Variants in FHIT observed in about 807,000 individuals in gnomAD.
FHIT encodes bis(5'-adenosyl)-triphosphatase.
A neutral mutation model predicts 17.9 loss-of-function variants in FHIT; 19 were observed. The ratio of observed to expected loss-of-function variants is 1.06; its 90% confidence interval spans 0.74 to 1.56. The LOEUF (loss-of-function observed/expected upper bound fraction) is 1.56, where lower values mean the gene tolerates loss of function less well. Ranked by LOEUF, FHIT falls within the 40% of genes most tolerant of loss-of-function variation. The probability of loss-of-function intolerance (pLI) is 0.00; values close to 1 mark genes in which losing one functional copy is unlikely to be tolerated. For missense variants in FHIT, 248 were observed against 189.2 expected (o/e 1.31, Z -1.82); for synonymous variants, 81 against 69.7 (o/e 1.16, Z -0.81).
intron 2 of FHIT, among the ~76,000 whole-genome samples, chr3:61,104,681 C>T (rs1297779859): frequency 6.6e-6 from 1 of 152,160 alleles, no homozygotes; most frequent in African/African-American, 2.4e-5. Flanking sequence ...TGGTTCCATT[C>T]TCCCCATCTC....
chr3:60,659,993 A>C (rs950658249), intron 4 of FHIT, among the ~76,000 whole-genome samples: 9 of 152,144 alleles, frequency 5.9e-5, no homozygotes, highest in African/African-American at 9.7e-5. Flanking sequence ...TGAGATGTAA[A>C]GTTAAGTCCT....
At chr3:60,324,366 T>C (rs927616689) in intron 5 of FHIT, among the ~76,000 whole-genome samples, 4 of 151,296 alleles carry the variant, frequency 2.6e-5, no homozygotes, top group South Asian at 4.2e-4. Context: ...TGGTGAATCA[T>C]GAGGTCAGGA....
At chr3:60,186,230 G>A (rs772314874) in intron 5 of FHIT, among the ~76,000 whole-genome samples, 4 of 151,920 alleles carry the variant, frequency 2.6e-5, no homozygotes, top group African/African-American at 4.8e-5. Context: ...CAAGATCCCA[G>A]ATTTTTTTCT....
At position 60,701,273 on chromosome 3, in the gene FHIT, G is replaced by A. The variant is rs139332494; in HGVS notation, c.-18+120646C>T. ...AAAGTAGCTGGGACTACAGGCATGTGCCACTGTAATTGCCCAGTGGGTTCT... is the reference window on the plus strand; with the variant it reads ...AAAGTAGCTGGGACTACAGGCATGTACCACTGTAATTGCCCAGTGGGTTCT... On this transcript the variant is annotated intron_variant, in intron 4 of 9. Coordinates refer to ENST00000492590, the MANE Select transcript of FHIT (RefSeq NM_002012.4). Among the ~76,000 whole-genome samples the A allele has an allele frequency of 4.2e-4, 64 of 152,090 alleles. 1 individual carries two copies. The highest frequency in any genetic ancestry group is 1.5e-3 in the African/African-American group (62 of 41,506).
rs145544602 is a variant in FHIT at position 61,143,483 on chromosome 3, C to T, written c.-164+57134G>A. On this transcript the variant is annotated intron_variant, in intron 2 of 9. Transcript: ENST00000492590. ...TTGGCATTTCTAAACAGTTATGGTG[C>T]TGCAGAGGAAAGCTTTTGACCAGCC... Among the ~76,000 whole-genome samples, 74 of 152,276 alleles carry T rather than the reference C, an allele frequency of 4.9e-4. No individual in the cohort carries two copies. The East Asian group carries it at 0.012, about 25-fold the overall frequency.
chr3:61,110,989 C>G lies in FHIT; in HGVS notation c.-163-68890G>C, dbSNP rs549121260. On this transcript the variant is annotated intron_variant, in intron 2 of 9. Transcript: ENST00000492590. ...TTTTTCAGTCTGAAACTCTCCAGCG[C>G]CCCTTAACTATGGCCCCCGAAACAA... Among the ~76,000 whole-genome samples the G allele has an allele frequency of 1.1e-3, 168 of 152,292 alleles. 2 individuals carry two copies. In the South Asian group the frequency reaches 0.034, roughly 31 times the overall value.
intron 7 of FHIT, among the ~76,000 whole-genome samples, chr3:60,007,452 G>C (rs1699969177): frequency 6.6e-6 from 1 of 152,116 alleles, no homozygotes. Context: ...AGAAACTTAT[G>C]AGATTCGTTC....
intron 4 of FHIT, among the ~76,000 whole-genome samples, chr3:60,819,337 G>A (rs1351105388): frequency 6.6e-6 from 1 of 152,110 alleles, no homozygotes; most frequent in African/African-American, 2.4e-5. Context: ...AAAGTTAAAT[G>A]ATAGAATGAT....
At chr3:60,124,027 GAGA>G (rs1705412469) in intron 5 of FHIT, among the ~76,000 whole-genome samples, 1 of 101,432 alleles carries the variant, frequency 9.9e-6, no homozygotes, top group Admixed American at 1.0e-4. Flanking sequence ...GAGAGAGAGA[GAGA>G]GAGAGAGAGA....
intron 5 of FHIT, among the ~76,000 whole-genome samples, chr3:60,414,412 C>G (rs1409110951): frequency 6.6e-6 from 1 of 152,150 alleles, no homozygotes; most frequent in African/African-American, 2.4e-5. Context: ...GATACCCTGA[C>G]ACATGCTCAG....
chr3:59,796,281 G>A (rs1349042082), intron 8 of FHIT, among the ~76,000 whole-genome samples: 1 of 152,048 alleles, frequency 6.6e-6, no homozygotes, highest in Non-Finnish European at 1.5e-5. Context: ...CTGGCTCTGG[G>A]CCACCCAGAC....
At position 60,789,156 on chromosome 3, in the gene FHIT, GTATATATA is replaced by G. The variant is rs782494801; in HGVS notation, c.-18+32755_-18+32762del. ...TATAGAGAGAGATGTGTGTGTGTGT[GTATATATA>G]TATATATATATAGAGAGAGAGAGAG... On this transcript the variant is annotated intron_variant, in intron 4 of 9. Coordinates refer to ENST00000492590, the MANE Select transcript of FHIT (RefSeq NM_002012.4). Among the ~76,000 whole-genome samples the G allele has an allele frequency of 3.4e-3, 449 of 131,142 alleles. 2 individuals carry two copies. The highest frequency in any genetic ancestry group is 5.9e-3 in the Admixed American group (71 of 12,084). The allele number at this position is 131,142 out of a possible 152,430, so 86.0% of individuals were successfully genotyped here.
At chr3:59,832,400 A>G (rs1355163886) in intron 8 of FHIT, among the ~76,000 whole-genome samples, 1 of 152,140 alleles carries the variant, frequency 6.6e-6, no homozygotes, top group African/African-American at 2.4e-5. Flanking sequence ...CTCTAAGAAA[A>G]GGATAATACA....
intron 4 of FHIT, among the ~76,000 whole-genome samples, chr3:60,710,052 C>T (rs1305112939): frequency 2.7e-5 from 4 of 148,918 alleles, no homozygotes; most frequent in Non-Finnish European, 5.9e-5. Context: ...CTGCATACTT[C>T]CCATTTCAGC....
chr3:61,060,687 C>G (rs1037941009), intron 2 of FHIT, among the ~76,000 whole-genome samples: 1 of 152,234 alleles, frequency 6.6e-6, no homozygotes, highest in Non-Finnish European at 1.5e-5. Context: ...ACTTTGGCTT[C>G]TTGCTTGATG....
chr3:60,648,158 A>G (rs537542346), intron 4 of FHIT, among the ~76,000 whole-genome samples: 1 of 152,188 alleles, frequency 6.6e-6, no homozygotes, highest in African/African-American at 2.4e-5. Flanking sequence ...GGGAACCACA[A>G]CAGGTTGACG....
intron 2 of FHIT, among the ~76,000 whole-genome samples, chr3:61,185,555 C>A (rs2038481732): frequency 6.6e-6 from 1 of 152,184 alleles, no homozygotes; most frequent in African/African-American, 2.4e-5. Flanking sequence ...GCCTAAGGAT[C>A]CCATTCAGCA....
intron 5 of FHIT, among the ~76,000 whole-genome samples, chr3:60,385,397 C>CA (rs1287222673): frequency 6.6e-6 from 1 of 152,142 alleles, no homozygotes; most frequent in Non-Finnish European, 1.5e-5. Flanking sequence ...TGCAGGAAAT[C>CA]AAAAGCAGCC....
At chr3:60,875,922 C>CGTGTGTGTGTGT (rs1553756368) in intron 3 of FHIT, among the ~76,000 whole-genome samples, 1 of 61,158 alleles carries the variant, frequency 1.6e-5, no homozygotes, top group Non-Finnish European at 3.5e-5. Flanking sequence ...AAAACTTATT[C>CGTGTGTGTGTGT]ATGTGTGTGT....
Sources: allele counts gnomAD v4.1 joint callset (sites outside exome capture counted in the v4.1 genomes callset), GRCh38; gene constraint gnomAD v4.1.1; transcripts MANE v1.5; gene names NCBI Gene and HGNC (gene_info 2026-07-23, HGNC 2026-07-21).